B3GAT2: variants seen among roughly 807,000 people sequenced by gnomAD.
B3GAT2 encodes the protein galactosylgalactosylxylosylprotein 3-beta-glucuronosyltransferase 2.
A neutral mutation model predicts 27.8 loss-of-function variants in B3GAT2; 26 were observed. The ratio of observed to expected loss-of-function variants is 0.93; its 90% confidence interval spans 0.68 to 1.30. B3GAT2 has a LOEUF of 1.30. Among genes scored for constraint, B3GAT2 ranks in the 50% most tolerant of loss-of-function variants. B3GAT2 has a pLI of 0.00. For synonymous variants in B3GAT2, 218 were observed against 195.1 expected (o/e 1.12, Z -0.98); for missense variants, 458 against 459.0 (o/e 1.00, Z 0.02).
intron 2 of B3GAT2, among the ~76,000 whole-genome samples, chr6:70,862,714 A>T (rs1771780673): frequency 6.6e-6 from 1 of 152,200 alleles, no homozygotes; most frequent in Non-Finnish European, 1.5e-5. Flanking sequence ...TCACATCTGT[A>T]ATCTCAGCAC....
chr6:70,869,057 T>C (rs923831644), intron 2 of B3GAT2, among the ~76,000 whole-genome samples: 4 of 152,256 alleles, frequency 2.6e-5, no homozygotes, highest in Admixed American at 6.5e-5. Context: ...TTTTTTCCCA[T>C]TGAACTGTCT....
rs549720033 is a variant in B3GAT2, at chr6:70,904,176, C to G, written c.592-9904G>C. ...AGTGTTATTCCACTTACATGAAATT[C>G]TAGAATAGGTACACTAATCTACAGT... is the stretch of plus-strand genomic sequence containing the variant. On this transcript the variant is annotated intron_variant, in intron 1 of 3. Coordinates refer to ENST00000230053, the MANE Select transcript of B3GAT2 (RefSeq NM_080742.3). 7.4e-4 allele frequency among the ~76,000 whole-genome samples: 113 copies of G among 152,160 alleles called. 1 individual carries two copies. The Middle Eastern group carries it at 0.034, about 46-fold the overall frequency.
chr6:70,857,147 T>C lies in B3GAT2; in HGVS notation c.*4516A>G. The C allele has an allele frequency of 9.5e-7, 1 of 1,054,160 alleles. No individual in the cohort carries two copies. The highest frequency in any genetic ancestry group is 1.3e-6 in the Non-Finnish European group (1 of 774,842). 65.3% of individuals were successfully genotyped at this position (1,054,160 alleles called of 1,614,324 possible). A position where few individuals can be genotyped will look rare whatever the true frequency, so the allele number is the denominator to read the frequency against. ...TCCATGTAGTGAGTGCTTTTGTTGT[T>C]GCAGTTTATACAACTATGAAGCCGA... is the stretch of plus-strand genomic sequence containing the variant. On this transcript the variant is annotated 3_prime_UTR_variant, in exon 4 of 4. Coordinates refer to ENST00000230053, the MANE Select transcript of B3GAT2 (RefSeq NM_080742.3).
rs759632667 is a variant in B3GAT2, at chr6:70,860,167, C to G, written c.*1496G>C. ...AAACAAGAATTAAAAGTGAAGTAAGCCTCTTGAACTAAGCCTTTTATATGT... is the reference window on the plus strand; with the variant it reads ...AAACAAGAATTAAAAGTGAAGTAAGGCTCTTGAACTAAGCCTTTTATATGT... On this transcript the variant is annotated 3_prime_UTR_variant, in exon 4 of 4. Coordinates refer to ENST00000230053, the MANE Select transcript of B3GAT2 (RefSeq NM_080742.3). 1.3e-5 allele frequency: 21 copies of G among 1,555,592 alleles called. No individual in the cohort carries two copies. The East Asian group carries it at 3.2e-4, about 24-fold the overall frequency.
chr6:70,891,748 TTGTGTGTGTG>T lies in B3GAT2; in HGVS notation c.736+2370_736+2379del, dbSNP rs147352529. 1.5e-4 allele frequency among the ~76,000 whole-genome samples: 22 copies of T among 144,646 alleles called. No homozygotes were observed. The South Asian group carries it at 1.8e-3, about 12-fold the overall frequency. The allele number at this position is 144,646 out of a possible 152,430, so 94.9% of individuals were successfully genotyped here. A position where few individuals can be genotyped will look rare whatever the true frequency, so the allele number is the denominator to read the frequency against. On this transcript the variant is annotated intron_variant, in intron 2 of 3. Coordinates refer to ENST00000230053, the MANE Select transcript of B3GAT2 (RefSeq NM_080742.3). ...AAAGTAGAGCTCCTCAGAGCTCAGA[TTGTGTGTGTG>T]TGTGTGTGTGTGTGTGTGTGTGTGT...
chr6:70,879,946 G>T (rs537474752), intron 2 of B3GAT2, among the ~76,000 whole-genome samples: 5 of 152,166 alleles, frequency 3.3e-5, no homozygotes, highest in Non-Finnish European at 7.3e-5. Flanking sequence ...ATGGAGAAAC[G>T]AAGTGCAAGG....
At chr6:70,926,169 T>C (rs1772953581) in intron 1 of B3GAT2, among the ~76,000 whole-genome samples, 1 of 152,176 alleles carries the variant, frequency 6.6e-6, no homozygotes, top group Admixed American at 6.5e-5. Flanking sequence ...ACCCCATCTG[T>C]AGGTCACCAT....
At chr6:70,874,553 G>T (rs1771983338) in intron 2 of B3GAT2, among the ~76,000 whole-genome samples, 1 of 152,152 alleles carries the variant, frequency 6.6e-6, no homozygotes, top group African/African-American at 2.4e-5. Flanking sequence ...CATGCATATA[G>T]TCCTACACAT....
chr6:70,947,501 G>A (rs991711755), intron 1 of B3GAT2, among the ~76,000 whole-genome samples: 7 of 152,042 alleles, frequency 4.6e-5, no homozygotes, highest in African/African-American at 9.7e-5. Context: ...TAAATTCCTC[G>A]ACACATACAC....
At chr6:70,880,462 C>T (rs1442359946) in intron 2 of B3GAT2, among the ~76,000 whole-genome samples, 1 of 152,164 alleles carries the variant, frequency 6.6e-6, no homozygotes, top group Non-Finnish European at 1.5e-5. Context: ...AATGGAATCA[C>T]TCTCAAAACT....
At chr6:70,890,267 C>G (rs148078862) in intron 2 of B3GAT2, among the ~76,000 whole-genome samples, 23 of 152,192 alleles carry the variant, frequency 1.5e-4, no homozygotes, top group Admixed American at 6.5e-4. Context: ...TGGCTCCCCC[C>G]CTGCAGTCAC....
chr6:70,910,416 C>T (rs1772671307), intron 1 of B3GAT2, among the ~76,000 whole-genome samples: 1 of 152,212 alleles, frequency 6.6e-6, no homozygotes, highest in Non-Finnish European at 1.5e-5. Context: ...TAAGTTAGAA[C>T]ATGCAGCATT....
At chr6:70,907,642 A>G (rs1032654228) in intron 1 of B3GAT2, among the ~76,000 whole-genome samples, 1 of 152,226 alleles carries the variant, frequency 6.6e-6, no homozygotes, top group Non-Finnish European at 1.5e-5. Context: ...GAGCATGGGC[A>G]AAATTCATAT....
rs1444806634 is a variant in B3GAT2 at position 70,858,959 on chromosome 6, C to T, written c.*2704G>A. The T allele has an allele frequency of 6.3e-6, 1 of 159,014 alleles. No individual in the cohort carries two copies. The highest frequency in any genetic ancestry group is 2.4e-5 in the African/African-American group (1 of 41,694). 9.9% of individuals were successfully genotyped at this position (159,014 alleles called of 1,614,324 possible). ...TTTCAGGTGCTGTGTTCTGACTTTTCTCTAGCTGCACAGACAAAGGCTCTT... is the reference window on the plus strand; with the variant it reads ...TTTCAGGTGCTGTGTTCTGACTTTTTTCTAGCTGCACAGACAAAGGCTCTT... On this transcript the variant is annotated 3_prime_UTR_variant, in exon 4 of 4. Transcript: ENST00000230053.
At chr6:70,926,189 C>A (rs749820868) in intron 1 of B3GAT2, among the ~76,000 whole-genome samples, 1 of 152,130 alleles carries the variant, frequency 6.6e-6, no homozygotes, top group Non-Finnish European at 1.5e-5. Context: ...TCATCAAAGA[C>A]CAAAGTTTGA....
chr6:70,913,853 G>GA (rs1250406565), intron 1 of B3GAT2, among the ~76,000 whole-genome samples: 1 of 152,168 alleles, frequency 6.6e-6, no homozygotes, highest in Non-Finnish European at 1.5e-5. Flanking sequence ...AGGTCTCTAA[G>GA]AATTTGTTCT....
chr6:70,865,249 C>T (rs1008477472), intron 2 of B3GAT2, among the ~76,000 whole-genome samples: 2 of 152,128 alleles, frequency 1.3e-5, no homozygotes, highest in African/African-American at 4.8e-5. Context: ...GCCTCAGCCT[C>T]CCGAGTAGCT....
chr6:70,905,722 T>G (rs1772590381), intron 1 of B3GAT2, among the ~76,000 whole-genome samples: 1 of 152,178 alleles, frequency 6.6e-6, no homozygotes, highest in African/African-American at 2.4e-5. Context: ...TAACATAGGA[T>G]AGCTGGTATC....
intron 1 of B3GAT2, among the ~76,000 whole-genome samples, chr6:70,946,975 A>G (rs1765496636): frequency 1.3e-5 from 2 of 152,354 alleles, no homozygotes; most frequent in African/African-American, 4.8e-5. Context: ...CTGCTCCTGA[A>G]TGACTACTGG....
Sources: gnomAD v4.1 joint callset for allele counts (sites outside exome capture counted in the v4.1 genomes callset) on GRCh38, gnomAD v4.1.1 for gene constraint, MANE v1.5 for transcripts, NCBI Gene and HGNC (gene_info 2026-07-23, HGNC 2026-07-21) for gene names.